Variants in MED16 observed in about 807,000 individuals in gnomAD.
The protein encoded by MED16 is mediator complex subunit 16, also known as mediator of RNA polymerase II transcription subunit 16.
A neutral mutation model predicts 84.4 loss-of-function variants in MED16; 81 were observed. The observed-to-expected ratio is 0.96, with a 90% CI of 0.80 to 1.15. MED16 has a LOEUF of 1.15. Among genes scored for constraint, MED16 ranks in the 50% most tolerant of loss-of-function variants. MED16 has a pLI of 0.00. For synonymous variants in MED16, 897 were observed against 552.2 expected, an observed-to-expected ratio of 1.62 and a Z score of -8.76; for missense variants, 1,585 against 1,245.9, an observed-to-expected ratio of 1.27 and a Z score of -4.10.
chr19:877,503 A>C (rs571979608), intron 8 of MED16, among the ~76,000 whole-genome samples: 63 of 147,236 alleles, frequency 4.3e-4, no homozygotes, highest in Middle Eastern at 3.4e-3. Context: ...CGAAGCTCCT[A>C]ATACGTGCTG....
rs1454406941 is a variant in MED16, at chr19:873,539, C to T, written c.1815G>A (p.Val605=). ...GCGCCTGCAGTGTGTTCATGTCCAG[C>T]ACAAATTCCTCCGTCTTGAGGTTGA... is the stretch of plus-strand genomic sequence containing the variant. The part of the protein sequence containing the change: ...VMINLKTEEF[V]LDMNTLQALQ... The change falls in exon 11 of 16, where the codon GTG becomes GTA. Residue 605 remains valine (V), a synonymous_variant. Coordinates refer to ENST00000325464, the MANE Select transcript of MED16 (RefSeq NM_005481.3). The T allele has an allele frequency of 3.1e-6, 5 of 1,612,246 alleles. No individual in the cohort carries two copies. The highest frequency in any genetic ancestry group is 4.2e-6 in the Non-Finnish European group (5 of 1,179,728).
rs2036143025 is a variant in MED16 at position 873,341 on chromosome 19, C to CGGGACTCCAAG, written c.1905+107_1905+108insCTTGGAGTCCC. On this transcript the variant is annotated intron_variant, in intron 11 of 15. Transcript: ENST00000325464. Reference sequence around the variant, plus strand: ...ACTCCAAGTAGGGGCGGGACTCCAACTAGGGGCGGGGCTGAGGTGGTTTTG... The same window carrying CGGGACTCCAAG: ...ACTCCAAGTAGGGGCGGGACTCCAACGGGACTCCAAGTAGGGGCGGGGCTGAGGTGGTTTTG... 13 of 359,518 alleles carry CGGGACTCCAAG rather than the reference C, an allele frequency of 3.6e-5. No individual in the cohort carries two copies. In the African/African-American group the frequency reaches 8.0e-4, roughly 22 times the overall value. 22.3% of individuals were successfully genotyped at this position (359,518 alleles called of 1,614,324 possible).
Position 893,185 on chromosome 19 carries a change from C to T in MED16, c.-118G>A, listed in dbSNP as rs935341810. On this transcript the variant is annotated 5_prime_UTR_variant, in exon 1 of 16. Coordinates refer to ENST00000325464, the MANE Select transcript of MED16 (RefSeq NM_005481.3). ...CATCTTCCTCGGTAACAACCAGTCG[C>T]CTGAGGCGTGGGGCCGCCTCCCAAA... 6.6e-6 allele frequency: 1 copy of T among 152,278 alleles called. No homozygotes were observed. Among genetic ancestry groups the T allele is most frequent in the Non-Finnish European group, 1.5e-5 (1 of 68,058 alleles). The allele number at this position is 152,278 out of a possible 1,614,324, so 9.4% of individuals were successfully genotyped here.
At chr19:870,993 G>A (rs995909061) in intron 13 of MED16, 44 bp downstream of exon 13, 66 of 1,484,476 alleles carry the variant, frequency 4.4e-5, no homozygotes, top group Admixed American at 3.3e-4. Context: ...AGGACACGGA[G>A]GAAGGAGTCC....
intron 10 of MED16, among the ~76,000 whole-genome samples, chr19:873,859 C>T (rs1238992301): frequency 2.6e-5 from 4 of 152,184 alleles, no homozygotes; most frequent in Admixed American, 2.6e-4. Context: ...CCAGGGCCAC[C>T]AGTGCTCAGG....
chr19:879,444 C>A, intron 8 of MED16, among the ~76,000 whole-genome samples: 1 of 140,598 alleles, frequency 7.1e-6, no homozygotes, highest in African/African-American at 2.7e-5. Flanking sequence ...CCCCACGTGC[C>A]CCAGCAGCTC....
intron 1 of MED16, among the ~76,000 whole-genome samples, chr19:891,739 A>AGT (rs2036639589): frequency 5.3e-5 from 5 of 94,468 alleles, no homozygotes; most frequent in African/African-American, 2.2e-4. Flanking sequence ...GGCGGGGCTG[A>AGT]CTGACAGGGA....
At chr19:878,949 C>A (rs1422808111) in intron 8 of MED16, among the ~76,000 whole-genome samples, 1 of 111,872 alleles carries the variant, frequency 8.9e-6, no homozygotes, top group African/African-American at 3.4e-5. Flanking sequence ...CGGCCCCGGC[C>A]GCAGCTCCAC....
intron 4 of MED16, among the ~76,000 whole-genome samples, chr19:889,299 C>A (rs985403253): frequency 2.6e-5 from 4 of 152,186 alleles, no homozygotes; most frequent in African/African-American, 9.7e-5. Context: ...CAGAAGACAG[C>A]AGCCACCAGT....
At chr19:884,591 GC>G (rs2036487202) in intron 6 of MED16, among the ~76,000 whole-genome samples, 1 of 152,114 alleles carries the variant, frequency 6.6e-6, no homozygotes, top group Non-Finnish European at 1.5e-5. Flanking sequence ...CCGCCCACAC[GC>G]CTGCAGCCCC....
In MED16 at chr19:873,559, G is replaced by C. The variant is rs1466849403; in HGVS notation, c.1795C>G (p.Leu599Val). 4 of 1,612,414 alleles carry C rather than the reference G, an allele frequency of 2.5e-6. No individual in the cohort carries two copies. The highest frequency in any genetic ancestry group is 2.5e-6 in the Non-Finnish European group (3 of 1,179,722). ...TCCAGCACAAATTCCTCCGTCTTGA[G>C]GTTGATCATGACCTTGTCAATGTCT... The part of the protein sequence containing the change: ...DVDIDKVMIN[L>V]KTEEFVLDMN... Residue 599 changes from leucine (L) to valine (V), a missense_variant, in exon 11 of 16, where the codon CTC (leucine) becomes GTC (valine). Leu to Val is a conservative substitution (Grantham distance 32). Transcript: ENST00000325464.
intron 9 of MED16, among the ~76,000 whole-genome samples, chr19:876,456 G>C (rs1034959527): frequency 6.6e-6 from 1 of 152,116 alleles, no homozygotes; most frequent in Non-Finnish European, 1.5e-5. Flanking sequence ...CTGAGAGGAT[G>C]GCTTAGAAAG....
intron 9 of MED16, 42 bp from the exon 10 acceptor site, chr19:875,496 A>G (rs769852608): frequency 6.6e-7 from 1 of 1,505,064 alleles, no homozygotes; most frequent in Non-Finnish European, 9.0e-7. Context: ...GCCGGAGCAG[A>G]GGCGCCCGCC....
In MED16 at chr19:873,535, C is replaced by T; in HGVS notation, c.1819G>A (p.Asp607Asn). The change falls in exon 11 of 16, where the codon GAC becomes AAC. Residue 607 changes from aspartate (D) to asparagine (N), a missense_variant. Asp to Asn is a conservative substitution (Grantham distance 23, BLOSUM62 1). Coordinates refer to ENST00000325464, the MANE Select transcript of MED16 (RefSeq NM_005481.3). The stretch of plus-strand genomic sequence containing the variant: ...TGCAGCGCCTGCAGTGTGTTCATGT[C>T]CAGCACAAATTCCTCCGTCTTGAGG... ...INLKTEEFVL[D>N]MNTLQALQQL... The T allele has an allele frequency of 1.2e-6, 2 of 1,612,364 alleles. No individual in the cohort carries two copies. Among genetic ancestry groups the T allele is most frequent in the South Asian group, 2.2e-5 (2 of 91,084 alleles).
intron 7 of MED16, among the ~76,000 whole-genome samples, chr19:881,218 GACC>G (rs1317525698): frequency 1.3e-5 from 2 of 152,300 alleles, no homozygotes; most frequent in East Asian, 3.9e-4. Flanking sequence ...TTGAGCTCAG[GACC>G]ACATTATGGC....
At chr19:890,620 G>A (rs1185694018) in intron 2 of MED16, among the ~76,000 whole-genome samples, 2 of 152,186 alleles carry the variant, frequency 1.3e-5, no homozygotes, top group African/African-American at 2.4e-5. Context: ...ATGGAGAGAA[G>A]ACGGGCACAG....
chr19:871,591 A>G, intron 12 of MED16: 1 of 1,595,926 alleles, frequency 6.3e-7, no homozygotes, highest in South Asian at 1.1e-5. Context: ...ACAAGGAGAG[A>G]CAGCAAACAG....
In MED16 at chr19:886,174, ACTT is replaced by A; in HGVS notation, c.472_474del (p.Lys158del). On this transcript the variant is annotated inframe_deletion, in exon 5 of 16. Transcript: ENST00000325464. ...GACGGTGAGAACTTGACTCGGGAGAACTTCTCCCCGAAGCTGGAGGCGCCCGAC... is the reference window on the plus strand; with the variant it reads ...GACGGTGAGAACTTGACTCGGGAGAACTCCCCGAAGCTGGAGGCGCCCGAC... The A allele has an allele frequency of 2.0e-6, 3 of 1,519,904 alleles. No individual in the cohort carries two copies. The highest frequency in any genetic ancestry group is 2.6e-6 in the Non-Finnish European group (3 of 1,137,336). 94.2% of individuals were successfully genotyped at this position (1,519,904 alleles called of 1,614,324 possible). A position where few individuals can be genotyped will look rare whatever the true frequency, so the allele number is the denominator to read the frequency against.
intron 10 of MED16, among the ~76,000 whole-genome samples, chr19:874,662 G>C (rs897115299): frequency 6.6e-6 from 1 of 152,182 alleles, no homozygotes; most frequent in African/African-American, 2.4e-5. Context: ...AGGATCGCTT[G>C]AGCTCAGGTG....
Sources: allele counts gnomAD v4.1 joint callset (sites outside exome capture counted in the v4.1 genomes callset), GRCh38; gene constraint gnomAD v4.1.1; transcripts MANE v1.5; gene names NCBI Gene and HGNC (gene_info 2026-07-23, HGNC 2026-07-21).